DOCK3: variants seen among roughly 807,000 people sequenced by gnomAD.
DOCK3 encodes dedicator of cytokinesis 3.
Under a neutral mutation model 265.6 loss-of-function variants are expected in DOCK3, and 60 were observed. That is an observed-to-expected ratio of 0.23 (90% confidence interval 0.18 to 0.28). The LOEUF is 0.28. Ranked by LOEUF, DOCK3 falls within the 10% of genes least tolerant of loss-of-function variation. The pLI is 1.00. For synonymous variants in DOCK3, 881 were observed against 938.0 expected (o/e 0.94, Z 1.11); for missense variants, 1,981 against 2,594.3 (o/e 0.76, Z 5.14).
At chr3:51,245,899 G>A (rs1038564227) in intron 21 of DOCK3, among the ~76,000 whole-genome samples, 2 of 152,054 alleles carry the variant, frequency 1.3e-5, no homozygotes, top group Admixed American at 6.6e-5. Context: ...TCATTGAAAA[G>A]AACGTGACAC....
At chr3:50,842,947 A>G (rs2045910814) in intron 3 of DOCK3, among the ~76,000 whole-genome samples, 1 of 152,100 alleles carries the variant, frequency 6.6e-6, no homozygotes, top group South Asian at 2.1e-4. Flanking sequence ...GGTCTTGGCC[A>G]CCTCCCACTA....
chr3:50,726,359 A>G (rs1483204841), intron 1 of DOCK3, among the ~76,000 whole-genome samples: 2 of 152,180 alleles, frequency 1.3e-5, no homozygotes, highest in Non-Finnish European at 2.9e-5. Context: ...AGACTGGGGA[A>G]GGAGATACAG....
intron 7 of DOCK3, among the ~76,000 whole-genome samples, chr3:51,083,799 A>G (rs1240344753): frequency 6.6e-6 from 1 of 152,126 alleles, no homozygotes; most frequent in Non-Finnish European, 1.5e-5. Flanking sequence ...CCTGACCAAC[A>G]TGGTGAAACC....
At chr3:51,325,081 A>G (rs1419064756) in intron 32 of DOCK3, among the ~76,000 whole-genome samples, 1 of 152,234 alleles carries the variant, frequency 6.6e-6, no homozygotes, top group Non-Finnish European at 1.5e-5. Context: ...ATCTAATTAA[A>G]CTAAAGAGCT....
chr3:50,904,987 C>T (rs2107845258), intron 4 of DOCK3, among the ~76,000 whole-genome samples: 1 of 152,186 alleles, frequency 6.6e-6, no homozygotes, highest in African/African-American at 2.4e-5. Flanking sequence ...TATGGCTAGC[C>T]AGTTTTCCCA....
At chr3:50,814,321 C>T (rs2043941716) in intron 2 of DOCK3, among the ~76,000 whole-genome samples, 1 of 152,082 alleles carries the variant, frequency 6.6e-6, no homozygotes, top group Non-Finnish European at 1.5e-5. Flanking sequence ...GGCTGGAGTT[C>T]AGTGGAGCAA....
chr3:51,253,681 GTCTGTAGT>G (rs1425191109), intron 22 of DOCK3, among the ~76,000 whole-genome samples: 4 of 152,132 alleles, frequency 2.6e-5, no homozygotes, highest in Admixed American at 6.5e-5. Flanking sequence ...TCTGATGGTA[GTCTGTAGT>G]TCGTGGGATC....
At chr3:51,311,513 T>C (rs1290464052) in intron 28 of DOCK3, among the ~76,000 whole-genome samples, 1 of 152,152 alleles carries the variant, frequency 6.6e-6, no homozygotes, top group Non-Finnish European at 1.5e-5. Context: ...ATGAAAATAA[T>C]AGTATATGAC....
At chr3:51,367,209 C>G (rs1308397872) in intron 49 of DOCK3, among the ~76,000 whole-genome samples, 4 of 152,196 alleles carry the variant, frequency 2.6e-5, no homozygotes, top group Non-Finnish European at 5.9e-5. Context: ...ATAGTTAGCT[C>G]TTCTTGTTGA....
intron 5 of DOCK3, among the ~76,000 whole-genome samples, chr3:51,016,920 ATATT>A (rs1239873091): frequency 5.3e-5 from 6 of 114,250 alleles, no homozygotes; most frequent in African/African-American, 1.8e-4. Context: ...ATATATAAAT[ATATT>A]AATATATACA....
intron 5 of DOCK3, among the ~76,000 whole-genome samples, chr3:51,058,519 T>G (rs2081281758): frequency 6.6e-6 from 1 of 152,236 alleles, no homozygotes; most frequent in Non-Finnish European, 1.5e-5. Flanking sequence ...TATTGTGCAT[T>G]TATGTATGTA....
chr3:50,917,697 A>C (rs1410230655), intron 4 of DOCK3, among the ~76,000 whole-genome samples: 1 of 149,440 alleles, frequency 6.7e-6, no homozygotes, highest in Non-Finnish European at 1.5e-5. Context: ...CTATCTCATT[A>C]ATTTTTTTCA....
At chr3:51,310,138 C>G (rs937298429) in intron 27 of DOCK3, 94 bp from the exon 28 acceptor site, 9 of 912,078 alleles carry the variant, frequency 9.9e-6, no homozygotes, top group South Asian at 8.6e-5. Context: ...CTGGTCCCAC[C>G]CATTGTCATG....
At chr3:51,310,181 A>T in intron 27 of DOCK3, 51 bp from the exon 28 acceptor site, 1 of 1,432,282 alleles carries the variant, frequency 7.0e-7, no homozygotes, top group Non-Finnish European at 9.7e-7. Flanking sequence ...CCTATTGAGG[A>T]GATGCATATT....
intron 9 of DOCK3, among the ~76,000 whole-genome samples, chr3:51,101,448 A>G (rs555588722): frequency 6.8e-4 from 104 of 152,304 alleles, no homozygotes; most frequent in African/African-American, 2.4e-3. Flanking sequence ...GAAAATTGCA[A>G]GGCGGTAGAG....
chr3:50,761,962 T>C (rs549591191), intron 1 of DOCK3, among the ~76,000 whole-genome samples: 5 of 152,268 alleles, frequency 3.3e-5, no homozygotes, highest in Non-Finnish European at 5.9e-5. Flanking sequence ...TGTAGGGACA[T>C]GGATGAAGCT....
At chr3:50,845,095 C>T (rs2046018090) in intron 3 of DOCK3, among the ~76,000 whole-genome samples, 1 of 151,970 alleles carries the variant, frequency 6.6e-6, no homozygotes, top group Non-Finnish European at 1.5e-5. Context: ...TGGTGGTGCA[C>T]TCCTGTGATC....
chr3:50,913,144 G>A (rs933573769), intron 4 of DOCK3, among the ~76,000 whole-genome samples: 3 of 152,032 alleles, frequency 2.0e-5, no homozygotes, highest in South Asian at 2.1e-4. Flanking sequence ...TTCGTGGCCC[G>A]AGGGCTTTTC....
intron 1 of DOCK3, among the ~76,000 whole-genome samples, chr3:50,738,994 G>C (rs1419046334): frequency 1.3e-5 from 2 of 152,158 alleles, no homozygotes; most frequent in Non-Finnish European, 2.9e-5. Flanking sequence ...AGCTAAATAA[G>C]CAGCAGATTG....
Sources: gnomAD v4.1 joint callset for allele counts (sites outside exome capture counted in the v4.1 genomes callset) on GRCh38, gnomAD v4.1.1 for gene constraint, MANE v1.5 for transcripts, NCBI Gene and HGNC (gene_info 2026-07-23, HGNC 2026-07-21) for gene names.